Variants in WDFY4 observed in about 807,000 individuals in gnomAD.
WDFY4 encodes the protein WDFY family member 4, also known as WD repeat- and FYVE domain-containing protein 4.
Under a neutral mutation model 351.9 loss-of-function variants are expected in WDFY4, and 169 were observed. The ratio of observed to expected loss-of-function variants is 0.48; its 90% CI spans 0.42 to 0.55. The LOEUF is 0.55. Ranked by LOEUF, WDFY4 falls within the 20% of genes least tolerant of loss-of-function variation. WDFY4 has a pLI of 0.00. For synonymous variants in WDFY4, 1,622 were observed against 1,574.6 expected (o/e 1.03, Z -0.71); for missense variants, 3,803 against 3,935.6 (o/e 0.97, Z 0.90).
At chr10:48,877,755 G>A (rs1269104089) in intron 43 of WDFY4, among the ~76,000 whole-genome samples, 1 of 152,218 alleles carries the variant, frequency 6.6e-6, no homozygotes, top group Admixed American at 6.5e-5. Context: ...GGCCCAGGAG[G>A]CAGGCTGGGG....
At chr10:48,760,227 G>A (rs2065460319) in intron 12 of WDFY4, 120 bp from the exon 13 acceptor site, 2 of 861,620 alleles carry the variant, frequency 2.3e-6, no homozygotes, top group South Asian at 1.7e-5. Context: ...ATGTCATCTA[G>A]GTAATAAGAC....
At chr10:48,914,878 G>A (rs1200028006) in intron 47 of WDFY4, among the ~76,000 whole-genome samples, 1 of 152,178 alleles carries the variant, frequency 6.6e-6, no homozygotes, top group Non-Finnish European at 1.5e-5. Context: ...GGGGGATGGG[G>A]GGTGCGGGCA....
intron 39 of WDFY4, among the ~76,000 whole-genome samples, chr10:48,834,524 A>G (rs1589718356): frequency 6.6e-6 from 1 of 152,244 alleles, no homozygotes; most frequent in Non-Finnish European, 1.5e-5. Context: ...TGCCAAGGTC[A>G]AGATCATCCT....
In WDFY4 at chr10:48,826,836, T is replaced by C; in HGVS notation, c.6148T>C (p.Phe2050Leu). ...TCTGCAGGAGCACTGGGATGTTGTC[T>C]TTGCCACCTACAATTCCAACATCAG... is the stretch of plus-strand genomic sequence containing the variant. Reference protein sequence around the residue: ...GFLQEHWDVVFATYNSNISFL... With the variant: ...GFLQEHWDVVLATYNSNISFL... The change falls in exon 36 of 62, where the codon TTT becomes CTT. Residue 2050 changes from phenylalanine to leucine, a missense_variant. This residue lies in a region of WDFY4 where 3,054 missense variants were observed against 3,148.6 expected (regional missense o/e 0.97). Coordinates refer to ENST00000325239, the MANE Select transcript of WDFY4 (RefSeq NM_001394531.1). 6.4e-7 allele frequency: 1 copy of C among 1,551,900 alleles called. No homozygotes were observed. Among genetic ancestry groups the C allele is most frequent in the South Asian group, 1.2e-5 (1 of 84,066 alleles).
chr10:48,760,359 A>G lies in WDFY4; in HGVS notation c.2472A>G (p.Gly824=). ...WPDLEERMDE[G]DAAIMHPGVV... ...CCTCTCTCTGCAGGATGGATGAGGG[A>G]GATGCTGCAATCATGCATCCCGGGG... Residue 824 remains glycine (G), a synonymous_variant, in exon 13 of 62, where the codon GGA becomes GGG. Coordinates refer to ENST00000325239, the MANE Select transcript of WDFY4 (RefSeq NM_001394531.1). 6.4e-7 allele frequency: 1 copy of G among 1,551,584 alleles called. No individual in the cohort carries two copies. Among genetic ancestry groups the G allele is most frequent in the Non-Finnish European group, 8.7e-7 (1 of 1,146,970 alleles).
intron 36 of WDFY4, 109 bp from the exon 37 acceptor site, chr10:48,828,669 T>C: frequency 1.6e-6 from 1 of 631,840 alleles, no homozygotes; most frequent in Non-Finnish European, 2.6e-6. Context: ...TTTTTCCATA[T>C]TGATATAGAT....
chr10:48,974,961 G>C lies in WDFY4; in HGVS notation c.9028G>C (p.Asp3010His). The C allele has an allele frequency of 6.4e-7, 1 of 1,551,654 alleles. No individual in the cohort carries two copies. Among genetic ancestry groups the C allele is most frequent in the Non-Finnish European group, 8.7e-7 (1 of 1,146,988 alleles). ...CCAGGACTGCACCTGTATCCTGTGG[G>C]ATCTGGACCACCTCACCCACGTGAC... ...GSQDCTCILW[D>H]LDHLTHVTRL... Residue 3010 changes from aspartate (D) to histidine (H), a missense_variant, in exon 58 of 62, where the codon GAT becomes CAT. Coordinates refer to ENST00000325239, the MANE Select transcript of WDFY4 (RefSeq NM_001394531.1).
intron 58 of WDFY4, 22 bp from the exon 59 acceptor site, chr10:48,976,775 G>A: frequency 1.5e-6 from 2 of 1,353,760 alleles, no homozygotes; most frequent in Non-Finnish European, 9.6e-7. Context: ...AGCTTAGAGT[G>A]ATGCCAGCTC....
chr10:48,874,829 G>T (rs1216758174), intron 41 of WDFY4, among the ~76,000 whole-genome samples: 1 of 152,072 alleles, frequency 6.6e-6, no homozygotes, highest in Admixed American at 6.5e-5. Flanking sequence ...ATCCCATCTG[G>T]GCCTCTTCTT....
chr10:48,955,636 T>C (rs766011750), intron 51 of WDFY4, among the ~76,000 whole-genome samples: 5 of 152,242 alleles, frequency 3.3e-5, no homozygotes, highest in Non-Finnish European at 7.3e-5. Context: ...GAGCCTCCTT[T>C]TTCTGGTCTG....
chr10:48,787,807 C>CTCTTCTTCTTCTTCT (rs1555010319), intron 20 of WDFY4, among the ~76,000 whole-genome samples: 17 of 76,734 alleles, frequency 2.2e-4, no homozygotes, highest in East Asian at 1.3e-3. Context: ...CCTCCTCCTC[C>CTCTTCTTCTTCTTCT]TCTTCTTCTT....
At chr10:48,943,599 T>A in intron 49 of WDFY4, 150 bp downstream of exon 49, 1 of 316,172 alleles carries the variant, frequency 3.2e-6, no homozygotes, top group Non-Finnish European at 4.8e-6. Flanking sequence ...CTCAGATCTC[T>A]TTTTTTTTTT....
chr10:48,700,323 T>G (rs1172715681), intron 1 of WDFY4, among the ~76,000 whole-genome samples: 1 of 152,216 alleles, frequency 6.6e-6, no homozygotes, highest in Non-Finnish European at 1.5e-5. Context: ...TGGGGGCCCT[T>G]TACCACATCC....
chr10:48,752,946 C>A (rs1442314627), intron 12 of WDFY4, among the ~76,000 whole-genome samples: 1 of 152,096 alleles, frequency 6.6e-6, no homozygotes, highest in African/African-American at 2.4e-5. Context: ...TGTAAAACTG[C>A]CTATTTTCAC....
chr10:48,779,258 C>T (rs2663031), intron 18 of WDFY4, among the ~76,000 whole-genome samples: 91,072 of 152,128 alleles, frequency 0.6, 30,201 homozygotes, highest in Non-Finnish European at 0.74. Context: ...CACATATGCT[C>T]AACCCCAAAC....
At chr10:48,818,304 C>A (rs1007037553) in intron 32 of WDFY4, among the ~76,000 whole-genome samples, 1 of 152,188 alleles carries the variant, frequency 6.6e-6, no homozygotes, top group Admixed American at 6.5e-5. Context: ...TGATGCCAGG[C>A]CTGGAGTGGT....
intron 60 of WDFY4, among the ~76,000 whole-genome samples, 190 bp downstream of exon 60, chr10:48,978,583 G>A (rs965058883): frequency 1.3e-5 from 2 of 152,136 alleles, no homozygotes; most frequent in Non-Finnish European, 2.9e-5. Flanking sequence ...CACACCTGCT[G>A]CCATCACAGC....
intron 52 of WDFY4, among the ~76,000 whole-genome samples, chr10:48,957,876 A>G (rs1841676538): frequency 6.6e-6 from 1 of 152,144 alleles, no homozygotes; most frequent in Non-Finnish European, 1.5e-5. Context: ...TCCCCTGGGG[A>G]CTGTTTGTAT....
In WDFY4 at chr10:48,743,468, G is replaced by A; in HGVS notation, c.2379G>A (p.Gly793=). ...DLKESLRTKQ[G]PVVDVQKGET... ...AGGAGTCCCTGAGGACCAAGCAGGG[G>A]CCGGTTGTGGATGTTCAGAAGGGAG... The change falls in exon 12 of 62, where the codon GGG becomes GGA. Residue 793 remains glycine (G), a synonymous_variant. Transcript: ENST00000325239. 6.5e-7 allele frequency: 1 copy of A among 1,548,292 alleles called. No individual in the cohort carries two copies. The highest frequency in any genetic ancestry group is 8.7e-7 in the Non-Finnish European group (1 of 1,146,964).
Sources: allele counts gnomAD v4.1 joint callset (sites outside exome capture counted in the v4.1 genomes callset), GRCh38; gene constraint gnomAD v4.1.1; regional missense constraint gnomAD v4.1.1; transcripts MANE v1.5; gene names NCBI Gene and HGNC (gene_info 2026-07-23, HGNC 2026-07-21).